LEPROTL1: variants seen among roughly 807,000 people sequenced by gnomAD.
LEPROTL1 encodes leptin receptor overlapping transcript-like 1.
Under a neutral mutation model 15.4 loss-of-function variants are expected in LEPROTL1, and 6 were observed. The ratio of observed to expected loss-of-function variants is 0.39; its 90% confidence interval spans 0.21 to 0.77. The LOEUF is 0.77. Ranked by LOEUF, LEPROTL1 falls within the 30% of genes least tolerant of loss-of-function variation. LEPROTL1 has a pLI of 0.41. For missense variants in LEPROTL1, 128 were observed against 158.1 expected (o/e 0.81, Z 1.02); for synonymous variants, 56 against 52.6 (o/e 1.06, Z -0.28).
At position 30,095,496 on chromosome 8, in the gene LEPROTL1, G is replaced by A; in HGVS notation, c.-17G>A. 6.8e-7 allele frequency: 1 copy of A among 1,462,500 alleles called. No individual in the cohort carries two copies. The highest frequency in any genetic ancestry group is 9.0e-7 in the Non-Finnish European group (1 of 1,111,348). The allele number at this position is 1,462,500 out of a possible 1,614,324, so 90.6% of individuals were successfully genotyped here. On this transcript the variant is annotated 5_prime_UTR_variant, in exon 1 of 4. Transcript: ENST00000321250. Reference sequence around the variant, plus strand: ...GCCGCCGCCTCGGGTCGTGGAGCCAGGAGCGACGTCACCGCCATGGCAGGC... The same window carrying A: ...GCCGCCGCCTCGGGTCGTGGAGCCAAGAGCGACGTCACCGCCATGGCAGGC...
intron 3 of LEPROTL1, among the ~76,000 whole-genome samples, chr8:30,124,687 T>C (rs1802881392): frequency 2.6e-5 from 4 of 152,178 alleles, no homozygotes; most frequent in Admixed American, 2.6e-4. Context: ...TAGTTTATTA[T>C]ATAGTTATGT....
At chr8:30,136,636 T>C (rs940988551) in intron 4 of LEPROTL1, among the ~76,000 whole-genome samples, 1 of 152,090 alleles carries the variant, frequency 6.6e-6, no homozygotes, top group African/African-American at 2.4e-5. Context: ...TCCATCCCAT[T>C]TGGTACTTCC....
In LEPROTL1 at chr8:30,095,428, G is replaced by A; in HGVS notation, c.-85G>A. The A allele has an allele frequency of 7.2e-7, 1 of 1,380,988 alleles. No homozygotes were observed. The highest frequency in any genetic ancestry group is 1.3e-5 in the South Asian group (1 of 74,118). The allele number at this position is 1,380,988 out of a possible 1,614,324, so 85.5% of individuals were successfully genotyped here. A position where few individuals can be genotyped will look rare whatever the true frequency, so the allele number is the denominator to read the frequency against. On this transcript the variant is annotated 5_prime_UTR_variant, in exon 1 of 4. Coordinates refer to ENST00000321250, the MANE Select transcript of LEPROTL1 (RefSeq NM_015344.3). Reference sequence around the variant, plus strand: ...GTCGCGCACTTCCGGGTGTTGTCTGGCCGCCGTAGCGCGTCTTGGGTCTCC... The same window carrying A: ...GTCGCGCACTTCCGGGTGTTGTCTGACCGCCGTAGCGCGTCTTGGGTCTCC...
At position 30,107,129 on chromosome 8, in the gene LEPROTL1, T is replaced by C; in HGVS notation, c.*1267T>C. ...GTTTCCTGTATACCTCTGAACTGTT[T>C]TGATTTTGAGTTCATCATGATAGAT... On this transcript the variant is annotated 3_prime_UTR_variant, in exon 4 of 4. Coordinates refer to ENST00000321250, the MANE Select transcript of LEPROTL1 (RefSeq NM_015344.3). The C allele has an allele frequency of 1.0e-6, 1 of 983,936 alleles. No homozygotes were observed. The highest frequency in any genetic ancestry group is 4.7e-5 in the South Asian group (1 of 21,256). 61.0% of individuals were successfully genotyped at this position (983,936 alleles called of 1,614,324 possible).
chr8:30,124,115 G>GA (rs1802874205), intron 3 of LEPROTL1, among the ~76,000 whole-genome samples: 1 of 152,002 alleles, frequency 6.6e-6, no homozygotes, highest in African/African-American at 2.4e-5. Context: ...TCTCAGAGGT[G>GA]ACATACCATC....
At chr8:30,119,773 T>TA (rs1405890792) in intron 3 of LEPROTL1, among the ~76,000 whole-genome samples, 2 of 152,166 alleles carry the variant, frequency 1.3e-5, no homozygotes, top group Non-Finnish European at 2.9e-5. Flanking sequence ...GATTTTTTTA[T>TA]AAAAATGCTT....
intron 2 of LEPROTL1, among the ~76,000 whole-genome samples, chr8:30,103,643 G>A (rs1802507118): frequency 6.6e-6 from 1 of 151,606 alleles, no homozygotes; most frequent in Non-Finnish European, 1.5e-5. Flanking sequence ...CACGGGGGCT[G>A]AGGCAGGAGA....
chr8:30,126,458 T>C (rs1163709903), intron 3 of LEPROTL1, among the ~76,000 whole-genome samples: 2 of 152,168 alleles, frequency 1.3e-5, no homozygotes, highest in Non-Finnish European at 2.9e-5. Flanking sequence ...ACCAACCTCC[T>C]TTTCCAAGTC....
chr8:30,107,904 T>C lies in LEPROTL1; in HGVS notation c.*2042T>C, dbSNP rs1368606291. On this transcript the variant is annotated 3_prime_UTR_variant, in exon 4 of 4. Coordinates refer to ENST00000321250, the MANE Select transcript of LEPROTL1 (RefSeq NM_015344.3). ...TATACTAACTGCATTGGCAGCATTG[T>C]GTCTTTGACCTTGTATACTAGCTTG... is the stretch of plus-strand genomic sequence containing the variant. 1 of 985,358 alleles carries C rather than the reference T, an allele frequency of 1.0e-6. No individual in the cohort carries two copies. Among genetic ancestry groups the C allele is most frequent in the East Asian group, 1.1e-4 (1 of 8,822 alleles). 61.0% of individuals were successfully genotyped at this position (985,358 alleles called of 1,614,324 possible). A position where few individuals can be genotyped will look rare whatever the true frequency, so the allele number is the denominator to read the frequency against.
chr8:30,118,019 G>GTTTTT (rs34271690), intron 3 of LEPROTL1, among the ~76,000 whole-genome samples: 11 of 26,778 alleles, frequency 4.1e-4, no homozygotes, highest in African/African-American at 1.3e-3. Context: ...TTTTTGATTT[G>GTTTTT]TTTTTTTTTT....
chr8:30,127,822 A>C (rs148425864), intron 3 of LEPROTL1, among the ~76,000 whole-genome samples: 42 of 152,084 alleles, frequency 2.8e-4, no homozygotes, highest in African/African-American at 9.6e-4. Flanking sequence ...CAGATCTGGA[A>C]GTGAGGTCAG....
At chr8:30,135,205 T>G (rs1803114567) in intron 4 of LEPROTL1, among the ~76,000 whole-genome samples, 1 of 152,162 alleles carries the variant, frequency 6.6e-6, no homozygotes. Context: ...TCATTTTCTT[T>G]TAGGGAGACT....
At chr8:30,095,927 G>C (rs1441963357) in intron 1 of LEPROTL1, 1 of 693,868 alleles carries the variant, frequency 1.4e-6, no homozygotes, top group Admixed American at 2.0e-5. Flanking sequence ...GAGGCTGCTA[G>C]AGATGCCAGC....
intron 4 of LEPROTL1, chr8:30,137,240 A>G: frequency 6.7e-7 from 1 of 1,488,846 alleles, no homozygotes; most frequent in Non-Finnish European, 9.2e-7. Context: ...ACTTCTCTAG[A>G]CTGTAATTAG....
intron 1 of LEPROTL1, among the ~76,000 whole-genome samples, chr8:30,099,141 T>G (rs1802420148): frequency 6.6e-6 from 1 of 152,200 alleles, no homozygotes; most frequent in South Asian, 2.1e-4. Flanking sequence ...CATTTTCTTC[T>G]CCCACTAGAA....
intron 2 of LEPROTL1, among the ~76,000 whole-genome samples, chr8:30,102,341 AAGAG>A (rs1247829505): frequency 3.5e-4 from 53 of 151,226 alleles, no homozygotes; most frequent in Admixed American, 3.4e-3. Flanking sequence ...ATTAAAAAAA[AAGAG>A]AGAGATGTAA....
At chr8:30,101,758 T>G in intron 1 of LEPROTL1, 140 bp from the exon 2 acceptor site, 1 of 526,082 alleles carries the variant, frequency 1.9e-6, no homozygotes, top group Non-Finnish European at 3.3e-6. Flanking sequence ...ACTAGATAAC[T>G]TACACTTCTG....
chr8:30,121,343 C>G (rs1044453324), intron 3 of LEPROTL1, among the ~76,000 whole-genome samples: 6 of 152,046 alleles, frequency 3.9e-5, no homozygotes, highest in Admixed American at 3.9e-4. Context: ...ACCTTGGCCT[C>G]CTGGGTTCAA....
intron 3 of LEPROTL1, among the ~76,000 whole-genome samples, chr8:30,125,872 A>G (rs1002428832): frequency 6.6e-6 from 1 of 152,206 alleles, no homozygotes; most frequent in African/African-American, 2.4e-5. Flanking sequence ...ATTTTACTCT[A>G]TAATTTCCTT....
Sources: allele counts gnomAD v4.1 joint callset (sites outside exome capture counted in the v4.1 genomes callset), GRCh38; gene constraint gnomAD v4.1.1; transcripts MANE v1.5; gene names NCBI Gene and HGNC (gene_info 2026-07-23, HGNC 2026-07-21).